Variants in DNAH5 observed in about 807,000 individuals in gnomAD.
DNAH5 encodes the protein dynein axonemal heavy chain 5, also known as axonemal beta dynein heavy chain 5.
Under a neutral mutation model 518.2 loss-of-function variants are expected in DNAH5, and 372 were observed. The ratio of observed to expected loss-of-function variants is 0.72; its 90% CI spans 0.66 to 0.78. The LOEUF (loss-of-function observed/expected upper bound fraction) is 0.78, where lower values mean the gene tolerates loss of function less well. Among genes scored for constraint, DNAH5 ranks in the 30% least tolerant of loss-of-function variants. DNAH5 has a pLI of 0.00. For missense variants in DNAH5, 5,523 were observed against 5,687.0 expected, an observed-to-expected ratio of 0.97 and a Z score of 0.93; for synonymous variants, 2,039 against 2,025.9, an observed-to-expected ratio of 1.01 and a Z score of -0.17.
At chr5:13,972,667 G>C (rs1781958867) in intron 1 of DNAH5, among the ~76,000 whole-genome samples, 1 of 152,158 alleles carries the variant, frequency 6.6e-6, no homozygotes, top group African/African-American at 2.4e-5. Context: ...CACACTTTGG[G>C]CACTCGGAGT....
chr5:13,823,168 G>T, intron 40 of DNAH5, 95 bp downstream of exon 40: 1 of 852,634 alleles, frequency 1.2e-6, no homozygotes, highest in Non-Finnish European at 2.0e-6. Flanking sequence ...TTGCTGCTCA[G>T]AGTGCATAGG....
chr5:13,704,458 G>A (rs944943651), intron 76 of DNAH5, among the ~76,000 whole-genome samples: 1 of 152,168 alleles, frequency 6.6e-6, no homozygotes, highest in Non-Finnish European at 1.5e-5. Flanking sequence ...TCCAGCAGAT[G>A]GAAGCCACTT....
chr5:13,844,767 A>C, intron 32 of DNAH5, 70 bp downstream of exon 32: 1 of 1,600,656 alleles, frequency 6.2e-7, no homozygotes, highest in Non-Finnish European at 8.6e-7. Flanking sequence ...CCGTTTTCGA[A>C]GAGCTACTTA....
intron 12 of DNAH5, among the ~76,000 whole-genome samples, chr5:13,907,608 A>G (rs538874421): frequency 6.6e-6 from 1 of 152,322 alleles, no homozygotes; most frequent in South Asian, 2.1e-4. Flanking sequence ...GTTTTCCAAA[A>G]TGGTCTTTAT....
intron 71 of DNAH5, 62 bp from the exon 72 acceptor site, chr5:13,719,163 A>ACATAG: frequency 8.0e-7 from 1 of 1,257,478 alleles, no homozygotes; most frequent in Admixed American, 1.9e-5. Context: ...CTAAATTATT[A>ACATAG]CATTCTTTAG....
chr5:13,939,720 A>T (rs2152022777), intron 1 of DNAH5, among the ~76,000 whole-genome samples: 1 of 152,038 alleles, frequency 6.6e-6, no homozygotes, highest in African/African-American at 2.4e-5. Context: ...TGTACTTTTC[A>T]AGTCTTGCCT....
chr5:13,776,646 T>C lies in DNAH5; in HGVS notation c.9166A>G (p.Met3056Val), dbSNP rs374707562. 7 of 1,613,904 alleles carry C rather than the reference T, an allele frequency of 4.3e-6. No individual in the cohort carries two copies. Among genetic ancestry groups the C allele is most frequent in the Middle Eastern group, 1.6e-4 (1 of 6,062 alleles). ...DEINSDLASV[M>V]KKEFPRCLPT... ...AGGCACCTGGGGAATTCTTTTTTCA[T>C]GACTGATGCCAGGTCGCTATTAATT... Residue 3056 changes from methionine to valine, a missense_variant, in exon 55 of 79, where the codon ATG (methionine) becomes GTG (valine). Met to Val is a conservative substitution (Grantham distance 21). Transcript: ENST00000265104.
intron 70 of DNAH5, among the ~76,000 whole-genome samples, chr5:13,721,784 C>T (rs1211604224): frequency 6.6e-6 from 1 of 152,076 alleles, no homozygotes; most frequent in Non-Finnish European, 1.5e-5. Context: ...TTGGCTCATC[C>T]CTTTACTGTT....
chr5:13,696,720 A>C (rs1741446652), intron 78 of DNAH5, among the ~76,000 whole-genome samples: 1 of 152,222 alleles, frequency 6.6e-6, no homozygotes, highest in Admixed American at 6.5e-5. Flanking sequence ...GAAAGGGGTA[A>C]CAGAATGTTA....
chr5:13,764,408 T>TA (rs1006858116), intron 59 of DNAH5, among the ~76,000 whole-genome samples: 58 of 151,762 alleles, frequency 3.8e-4, no homozygotes, highest in Non-Finnish European at 1.2e-4. Flanking sequence ...TACAAAGTAA[T>TA]AAAAAAAATT....
At chr5:13,861,111 T>C (rs1768353627) in intron 29 of DNAH5, among the ~76,000 whole-genome samples, 1 of 152,166 alleles carries the variant, frequency 6.6e-6, no homozygotes, top group South Asian at 2.1e-4. Context: ...AATAACTCTA[T>C]CTGTAGATTA....
intron 1 of DNAH5, among the ~76,000 whole-genome samples, chr5:13,958,399 G>A (rs1780924225): frequency 6.6e-6 from 1 of 152,070 alleles, no homozygotes; most frequent in African/African-American, 2.4e-5. Context: ...ATTATTTACT[G>A]GGTATTTGTG....
At chr5:13,986,175 C>A (rs1189785552) in intron 1 of DNAH5, among the ~76,000 whole-genome samples, 1 of 152,206 alleles carries the variant, frequency 6.6e-6, no homozygotes, top group Non-Finnish European at 1.5e-5. Flanking sequence ...AGGGGAAATG[C>A]ATTGCGGCTC....
At chr5:13,757,907 A>G (rs1461939606) in intron 61 of DNAH5, among the ~76,000 whole-genome samples, 1 of 152,202 alleles carries the variant, frequency 6.6e-6, no homozygotes, top group Non-Finnish European at 1.5e-5. Context: ...CAAGGCAGGA[A>G]TTTCAATTCG....
At chr5:14,008,684 G>A (rs1366283926) in intron 1 of DNAH5, among the ~76,000 whole-genome samples, 3 of 152,046 alleles carry the variant, frequency 2.0e-5, no homozygotes, top group African/African-American at 7.2e-5. Flanking sequence ...GGTGGAGAGG[G>A]AAGGAAAAAT....
In DNAH5 at chr5:13,748,440, A is replaced by G. The variant is rs937384332; in HGVS notation, c.11211+2638T>C. ...GAAAGTCATTGGTAGCTTGATGGGG[A>G]TGGCATTGAATCTATAAATTACTTT... On this transcript the variant is annotated intron_variant, in intron 65 of 78. Coordinates refer to ENST00000265104, the MANE Select transcript of DNAH5 (RefSeq NM_001369.3). Among the ~76,000 whole-genome samples, 208 of 152,220 alleles carry G rather than the reference A, an allele frequency of 1.4e-3. 2 individuals are homozygous for G. The highest frequency in any genetic ancestry group is 3.9e-3 in the East Asian group (20 of 5,182).
chr5:13,867,286 G>A (rs186595303), intron 25 of DNAH5, among the ~76,000 whole-genome samples: 26 of 152,160 alleles, frequency 1.7e-4, no homozygotes, highest in Admixed American at 6.5e-4. Context: ...TAATCCCCAC[G>A]TCTCAAGGGA....
chr5:13,701,838 A>G (rs1329001107), intron 76 of DNAH5, among the ~76,000 whole-genome samples: 1 of 152,226 alleles, frequency 6.6e-6, no homozygotes, highest in African/African-American at 2.4e-5. Context: ...TCAATCTATA[A>G]CACATAAAAA....
At chr5:13,752,792 T>C (rs1277554699) in intron 63 of DNAH5, among the ~76,000 whole-genome samples, 1 of 152,238 alleles carries the variant, frequency 6.6e-6, no homozygotes, top group African/African-American at 2.4e-5. Context: ...AGTGTAACTG[T>C]TTCCATTGTT....
Sources: gnomAD v4.1 joint callset for allele counts (sites outside exome capture counted in the v4.1 genomes callset) on GRCh38, gnomAD v4.1.1 for gene constraint, MANE v1.5 for transcripts, NCBI Gene and HGNC (gene_info 2026-07-23, HGNC 2026-07-21) for gene names.